TTC17: variants seen among roughly 807,000 people sequenced by gnomAD.
TTC17 encodes the protein tetratricopeptide repeat protein 17.
A neutral mutation model predicts 143.8 loss-of-function variants in TTC17; 58 were observed. That is an observed-to-expected ratio of 0.40 (90% CI 0.33 to 0.50). The LOEUF is 0.50. TTC17 is among the 20% of genes least tolerant of loss of function. TTC17 has a pLI of 0.49. For synonymous variants in TTC17, 501 were observed against 497.8 expected (o/e 1.01, Z -0.09); for missense variants, 1,273 against 1,392.5 (o/e 0.91, Z 1.37).
intron 21 of TTC17, among the ~76,000 whole-genome samples, chr11:43,455,208 A>C (rs554574848): frequency 1.3e-5 from 2 of 152,016 alleles, no homozygotes; most frequent in East Asian, 3.9e-4. Context: ...AAGATACATG[A>C]AAACAAAATA....
At chr11:43,365,065 T>C (rs1856277271) in intron 1 of TTC17, among the ~76,000 whole-genome samples, 1 of 152,078 alleles carries the variant, frequency 6.6e-6, no homozygotes, top group African/African-American at 2.4e-5. Context: ...CCTCCCAAAG[T>C]GCTGGGATTA....
intron 21 of TTC17, chr11:43,466,787 C>A: frequency 3.1e-6 from 1 of 317,934 alleles, no homozygotes; most frequent in Non-Finnish European, 6.3e-6. Flanking sequence ...TGAAAGAGGG[C>A]ATGAATATTG....
chr11:43,493,145 A>G (rs1948501856), intron 23 of TTC17, among the ~76,000 whole-genome samples: 1 of 152,250 alleles, frequency 6.6e-6, no homozygotes, highest in Non-Finnish European at 1.5e-5. Flanking sequence ...AGAAGAAGTC[A>G]TTAAACCAGT....
At chr11:43,427,400 A>G (rs1235198232) in intron 16 of TTC17, among the ~76,000 whole-genome samples, 3 of 152,240 alleles carry the variant, frequency 2.0e-5, no homozygotes, top group African/African-American at 7.2e-5. Context: ...CACTGACCGT[A>G]AGAACTTTGT....
chr11:43,459,214 G>A (rs1295536038), intron 21 of TTC17, among the ~76,000 whole-genome samples: 1 of 152,214 alleles, frequency 6.6e-6, no homozygotes, highest in Non-Finnish European at 1.5e-5. Flanking sequence ...TACAAGAGAG[G>A]AAATTGAAGG....
intron 21 of TTC17, among the ~76,000 whole-genome samples, chr11:43,452,052 AC>A (rs1300305642): frequency 6.6e-6 from 1 of 152,208 alleles, no homozygotes; most frequent in East Asian, 1.9e-4. Context: ...CACACAAAAA[AC>A]ATACAGGATG....
At chr11:43,481,034 C>G (rs1948276835) in intron 21 of TTC17, among the ~76,000 whole-genome samples, 1 of 125,498 alleles carries the variant, frequency 8.0e-6, no homozygotes, top group Non-Finnish European at 1.7e-5. Context: ...AAAAGAAATA[C>G]CAGGTACAAA....
At position 43,358,984 on chromosome 11, in the gene TTC17, G is replaced by A. The variant is rs1855975944; in HGVS notation, c.30G>A (p.Arg10=). MAAAVGVRG[R]YELPPCSGPG... is the part of the protein sequence containing the mutation. The stretch of plus-strand genomic sequence containing the variant: ...CGGCGGCAGTAGGGGTTCGTGGCCG[G>A]TACGAGCTGCCGCCTTGCTCCGGCC... Residue 10 remains arginine (R), a synonymous_variant, in exon 1 of 24, where the codon CGG becomes CGA. Transcript: ENST00000039989. 8.2e-6 allele frequency: 13 copies of A among 1,580,724 alleles called. No individual in the cohort carries two copies. The highest frequency in any genetic ancestry group is 9.4e-6 in the Non-Finnish European group (11 of 1,164,134).
At chr11:43,367,823 C>T (rs1401162322) in intron 1 of TTC17, among the ~76,000 whole-genome samples, 1 of 152,016 alleles carries the variant, frequency 6.6e-6, no homozygotes, top group African/African-American at 2.4e-5. Flanking sequence ...TTTAAGCCCC[C>T]TCCAATTCAT....
intron 16 of TTC17, among the ~76,000 whole-genome samples, chr11:43,432,412 T>C (rs1395185052): frequency 6.6e-6 from 1 of 152,222 alleles, no homozygotes; most frequent in African/African-American, 2.4e-5. Flanking sequence ...TTGATAGTCT[T>C]GTAGTCTCTT....
chr11:43,452,317 T>C (rs1163512231), intron 21 of TTC17, among the ~76,000 whole-genome samples: 1 of 151,820 alleles, frequency 6.6e-6, no homozygotes, highest in Admixed American at 6.6e-5. Context: ...CTGGCCAACA[T>C]GGTGAAACCC....
At chr11:43,360,064 C>G (rs1856035757) in intron 1 of TTC17, among the ~76,000 whole-genome samples, 1 of 152,134 alleles carries the variant, frequency 6.6e-6, no homozygotes, top group Non-Finnish European at 1.5e-5. Flanking sequence ...GCAATTTAGC[C>G]CACTGATCTA....
chr11:43,397,035 A>G (rs2134551552), intron 6 of TTC17: 1 of 463,118 alleles, frequency 2.2e-6, no homozygotes, highest in East Asian at 3.1e-5. Flanking sequence ...TCCATTAAGG[A>G]AAAAATATGT....
intron 17 of TTC17, 123 bp downstream of exon 17, chr11:43,443,707 C>T (rs1947475679): frequency 1.6e-6 from 2 of 1,260,632 alleles, no homozygotes; most frequent in African/African-American, 1.5e-5. Context: ...CCAGGACAGC[C>T]TTCACATTGG....
chr11:43,473,254 A>C (rs1005993199), intron 21 of TTC17, among the ~76,000 whole-genome samples: 1 of 152,194 alleles, frequency 6.6e-6, no homozygotes, highest in Non-Finnish European at 1.5e-5. Context: ...TGGGTCAATG[A>C]AAAAAGCACA....
At chr11:43,448,247 A>G (rs903414341) in intron 19 of TTC17, 125 bp downstream of exon 19, 29 of 1,392,744 alleles carry the variant, frequency 2.1e-5, no homozygotes, top group Non-Finnish European at 2.7e-5. Context: ...TTTTCAAAGG[A>G]TGACCATGCT....
chr11:43,482,378 C>G (rs1948304041), intron 21 of TTC17, among the ~76,000 whole-genome samples: 2 of 151,362 alleles, frequency 1.3e-5, no homozygotes, highest in Non-Finnish European at 2.9e-5. Context: ...TTTAACTTGT[C>G]ATATTTTCAT....
At chr11:43,401,883 C>T (rs186669732) in intron 10 of TTC17, among the ~76,000 whole-genome samples, 13 of 151,946 alleles carry the variant, frequency 8.6e-5, no homozygotes, top group Admixed American at 6.6e-4. Context: ...GAGGCTGAGG[C>T]GGGAGAATCA....
chr11:43,367,858 A>T (rs1565128053), intron 1 of TTC17, among the ~76,000 whole-genome samples: 1 of 152,066 alleles, frequency 6.6e-6, no homozygotes, highest in South Asian at 2.1e-4. Flanking sequence ...ACTCTTGTCA[A>T]GATACCCAGA....
Sources: gnomAD v4.1 joint callset for allele counts (sites outside exome capture counted in the v4.1 genomes callset) on GRCh38, gnomAD v4.1.1 for gene constraint, MANE v1.5 for transcripts, NCBI Gene and HGNC (gene_info 2026-07-23, HGNC 2026-07-21) for gene names.